Variants in TENM3 observed in about 807,000 individuals in gnomAD.
TENM3 encodes the protein teneurin-3.
A neutral mutation model predicts 255.1 loss-of-function variants in TENM3; 63 were observed. The ratio of observed to expected loss-of-function variants is 0.25; its 90% CI spans 0.20 to 0.30. The LOEUF (loss-of-function observed/expected upper bound fraction) is 0.30, where lower values mean the gene tolerates loss of function less well. Ranked by LOEUF, TENM3 falls within the 10% of genes least tolerant of loss-of-function variation. The pLI, the probability that TENM3 is intolerant of heterozygous loss-of-function variation, is 1.00. For synonymous variants in TENM3, 1,306 were observed against 1,322.3 expected (o/e 0.99, Z 0.27); for missense variants, 2,929 against 3,461.1 (o/e 0.85, Z 3.86).
At chr4:182,453,098 T>G (rs1773600512) in intron 3 of TENM3, among the ~76,000 whole-genome samples, 1 of 152,038 alleles carries the variant, frequency 6.6e-6, no homozygotes, top group African/African-American at 2.4e-5. Context: ...AAGAAACCAG[T>G]TGTTTTAGGA....
At position 182,676,893 on chromosome 4, in the gene TENM3, G is replaced by A. The variant is rs181096463; in HGVS notation, c.1327-2773G>A. On this transcript the variant is annotated intron_variant, in intron 7 of 27. Coordinates refer to ENST00000511685, the MANE Select transcript of TENM3 (RefSeq NM_001080477.4). ...TCACTTTATATGAAACCTGTATCAA[G>A]TATAAGCTTTGTCTCACGATGGCTC... Among the ~76,000 whole-genome samples, 23 of 152,298 alleles carry A rather than the reference G, an allele frequency of 1.5e-4. No individual in the cohort carries two copies. The East Asian group carries it at 3.9e-3, about 26-fold the overall frequency.
At chr4:182,281,953 C>G (rs1760413966) in intron 1 of TENM3, among the ~76,000 whole-genome samples, 1 of 152,104 alleles carries the variant, frequency 6.6e-6, no homozygotes, top group African/African-American at 2.4e-5. Context: ...CCAGGCTGGT[C>G]TCGAACTCCT....
chr4:182,223,433 A>T (rs1755960555), intron 1 of TENM3, among the ~76,000 whole-genome samples: 1 of 152,168 alleles, frequency 6.6e-6, no homozygotes, highest in African/African-American at 2.4e-5. Context: ...TAAAAGTGAC[A>T]AGAACCATTC....
chr4:182,249,706 A>G (rs954263695), intron 1 of TENM3, among the ~76,000 whole-genome samples: 6 of 152,144 alleles, frequency 3.9e-5, no homozygotes, highest in Admixed American at 1.3e-4. Flanking sequence ...GGTTGCAAAT[A>G]TTTTGAGCAA....
chr4:182,048,380 A>T, the TENM3 span, among the ~76,000 whole-genome samples: 1 of 152,248 alleles, frequency 6.6e-6, no homozygotes, highest in Admixed American at 6.5e-5. Context: ...TAAGAATAAC[A>T]CCTCCTTAGT....
chr4:181,636,842 C>T, the TENM3 span, among the ~76,000 whole-genome samples: 3 of 152,174 alleles, frequency 2.0e-5, no homozygotes, highest in Non-Finnish European at 1.5e-5. Context: ...GATGGCTTCC[C>T]GTCACCCTTC....
At chr4:181,466,692 T>C in the TENM3 span, among the ~76,000 whole-genome samples, 2 of 152,176 alleles carry the variant, frequency 1.3e-5, no homozygotes, top group African/African-American at 4.8e-5. Context: ...ACATTTCATA[T>C]GGCTTTCTGA....
intron 3 of TENM3, among the ~76,000 whole-genome samples, chr4:182,486,683 G>T (rs1267562021): frequency 2.0e-5 from 3 of 152,164 alleles, no homozygotes; most frequent in Admixed American, 1.3e-4. Context: ...CACTTTTATT[G>T]CAGGAGAGCC....
the TENM3 span, among the ~76,000 whole-genome samples, chr4:181,881,032 A>T: frequency 6.6e-6 from 1 of 152,200 alleles, no homozygotes; most frequent in African/African-American, 2.4e-5. Flanking sequence ...CATTGAGCTA[A>T]TATATTATAA....
At chr4:181,731,305 T>C in the TENM3 span, among the ~76,000 whole-genome samples, 2 of 152,202 alleles carry the variant, frequency 1.3e-5, no homozygotes, top group Admixed American at 6.5e-5. Context: ...GTAAAATTTT[T>C]AATGCATGAG....
At chr4:182,241,518 C>CTTTTTTTT (rs982739950), upstream of TENM3, among the ~76,000 whole-genome samples, 565 of 114,214 alleles carry the variant, frequency 4.9e-3, 16 homozygotes, top group African/African-American at 7.0e-3. Context: ...TTTTTTCTTT[C>CTTTTTTTT]TTTTTTTTTT....
chr4:181,641,820 A>C, the TENM3 span, among the ~76,000 whole-genome samples: 2 of 116,152 alleles, frequency 1.7e-5, no homozygotes, highest in Non-Finnish European at 3.5e-5. Context: ...ATATATATAT[A>C]TATATATATA....
At chr4:182,594,997 T>G (rs939131301) in intron 3 of TENM3, among the ~76,000 whole-genome samples, 2 of 152,178 alleles carry the variant, frequency 1.3e-5, no homozygotes, top group African/African-American at 4.8e-5. Flanking sequence ...ATTACAGGTG[T>G]AAGCCAGTGC....
At chr4:182,064,686 A>T in the TENM3 span, among the ~76,000 whole-genome samples, 1 of 152,190 alleles carries the variant, frequency 6.6e-6, no homozygotes, top group South Asian at 2.1e-4. Flanking sequence ...AAACCTAGTG[A>T]GTGTGCAGGG....
chr4:182,733,641 C>G (rs1227956873), intron 16 of TENM3, among the ~76,000 whole-genome samples: 1 of 152,082 alleles, frequency 6.6e-6, no homozygotes. Flanking sequence ...ATAGAGACTA[C>G]AAGAGGTGAG....
intron 1 of TENM3, among the ~76,000 whole-genome samples, chr4:182,159,616 T>A (rs1455516848): frequency 6.6e-6 from 1 of 152,116 alleles, no homozygotes; most frequent in East Asian, 1.9e-4. Flanking sequence ...GAATCTTACT[T>A]TTAATTAATG....
At chr4:182,047,557 T>A in the TENM3 span, among the ~76,000 whole-genome samples, 4 of 31,494 alleles carry the variant, frequency 1.3e-4, no homozygotes, top group African/African-American at 5.5e-4. Flanking sequence ...CGAGACTCCA[T>A]CTCAAAAAAA....
chr4:182,170,309 C>T (rs556118921), intron 1 of TENM3, among the ~76,000 whole-genome samples: 5 of 152,158 alleles, frequency 3.3e-5, no homozygotes, highest in African/African-American at 9.6e-5. Context: ...ATACTTTCTT[C>T]TATAACGTAG....
intron 1 of TENM3, among the ~76,000 whole-genome samples, chr4:182,322,461 A>T (rs1715301146): frequency 6.6e-6 from 1 of 152,204 alleles, no homozygotes. Context: ...GAACTCTGTG[A>T]TTATTCCAGC....
Sources: allele counts gnomAD v4.1 joint callset (sites outside exome capture counted in the v4.1 genomes callset), GRCh38; gene constraint gnomAD v4.1.1; transcripts MANE v1.5; gene names NCBI Gene and HGNC (gene_info 2026-07-23, HGNC 2026-07-21).